PDE8A: variants seen among roughly 807,000 people sequenced by gnomAD.
PDE8A encodes the protein phosphodiesterase 8A, also known as high affinity cAMP-specific and IBMX-insensitive 3',5'-cyclic phosphodiesterase 8A.
Under a neutral mutation model 105.0 loss-of-function variants are expected in PDE8A, and 59 were observed. That is an observed-to-expected ratio of 0.56 (90% CI 0.46 to 0.70). The LOEUF (loss-of-function observed/expected upper bound fraction) is 0.70. Among genes scored for constraint, PDE8A ranks in the 30% least tolerant of loss-of-function variants. The probability of loss-of-function intolerance (pLI) is 0.00; values close to 1 mark genes in which losing one functional copy is unlikely to be tolerated. For missense variants in PDE8A, 1,014 were observed against 1,045.9 expected (o/e 0.97, Z 0.42); for synonymous variants, 355 against 371.9 (o/e 0.95, Z 0.52).
At chr15:85,053,364 A>G (rs1385880143) in intron 1 of PDE8A, among the ~76,000 whole-genome samples, 1 of 152,218 alleles carries the variant, frequency 6.6e-6, no homozygotes, top group Non-Finnish European at 1.5e-5. Context: ...GAAGAAAGTC[A>G]TTGGTAGCTT....
At chr15:85,087,820 A>T (rs148499354) in intron 6 of PDE8A, among the ~76,000 whole-genome samples, 2 of 152,216 alleles carry the variant, frequency 1.3e-5, no homozygotes, top group African/African-American at 4.8e-5. Flanking sequence ...TTGTTTTTGT[A>T]TGCATATTAC....
At chr15:85,070,881 G>A (rs2081300821) in intron 3 of PDE8A, among the ~76,000 whole-genome samples, 1 of 151,922 alleles carries the variant, frequency 6.6e-6, no homozygotes, top group African/African-American at 2.4e-5. Context: ...AGGAGATGAG[G>A]CAAATCAATC....
intron 1 of PDE8A, among the ~76,000 whole-genome samples, chr15:84,997,222 C>T (rs2079993979): frequency 6.6e-6 from 1 of 151,786 alleles, no homozygotes; most frequent in Non-Finnish European, 1.5e-5. Context: ...GAGACAGGGT[C>T]TCACTCTGTC....
Position 85,094,003 on chromosome 15 carries a change from G to A in PDE8A, c.852+2822G>A, listed in dbSNP as rs146336488. ...GCCTCCCAAGTAGCTGGGACCACAC[G>A]TGTCTACCATCACACCTGGCTAATT... On this transcript the variant is annotated intron_variant, in intron 8 of 21. Coordinates refer to ENST00000394553, the MANE Select transcript of PDE8A (RefSeq NM_002605.3). 1.8e-3 allele frequency among the ~76,000 whole-genome samples: 274 copies of A among 152,136 alleles called. 1 individual carries two copies. Among genetic ancestry groups the A allele is most frequent in the Non-Finnish European group, 3.1e-3 (208 of 67,988 alleles).
chr15:85,134,131 T>TGG (rs562377395), intron 20 of PDE8A, among the ~76,000 whole-genome samples: 5 of 152,282 alleles, frequency 3.3e-5, no homozygotes, highest in African/African-American at 1.2e-4. Context: ...CTTGTCACAT[T>TGG]GGGCCAAAGA....
intron 7 of PDE8A, 74 bp from the exon 8 acceptor site, chr15:85,090,970 G>A (rs895733018): frequency 1.5e-4 from 212 of 1,376,668 alleles, no homozygotes; most frequent in Non-Finnish European, 2.1e-4. Flanking sequence ...GGCTTAGGTC[G>A]AAGACCTTTG....
chr15:85,116,667 AG>A (rs1165191282), intron 16 of PDE8A, among the ~76,000 whole-genome samples: 2 of 152,204 alleles, frequency 1.3e-5, no homozygotes, highest in Non-Finnish European at 2.9e-5. Flanking sequence ...CACACAAGAA[AG>A]GGAGGTCCAC....
At chr15:85,084,564 A>G (rs1045524091) in intron 6 of PDE8A, among the ~76,000 whole-genome samples, 2 of 152,160 alleles carry the variant, frequency 1.3e-5, no homozygotes, top group East Asian at 1.9e-4. Flanking sequence ...GCACTCCCAC[A>G]GTGAATTAGG....
intron 8 of PDE8A, among the ~76,000 whole-genome samples, chr15:85,097,024 C>T (rs1567282522): frequency 6.6e-6 from 1 of 152,082 alleles, no homozygotes; most frequent in Non-Finnish European, 1.5e-5. Context: ...TCAGCTAAGC[C>T]AACAAGGCTG....
intron 1 of PDE8A, among the ~76,000 whole-genome samples, chr15:84,988,485 G>A (rs1408211476): frequency 1.3e-5 from 2 of 152,198 alleles, no homozygotes; most frequent in East Asian, 1.9e-4. Flanking sequence ...ATTTTGTGAC[G>A]CCCTCTGAAT....
intron 1 of PDE8A, among the ~76,000 whole-genome samples, chr15:84,984,038 G>C (rs1421505188): frequency 1.3e-5 from 2 of 152,170 alleles, no homozygotes; most frequent in Non-Finnish European, 2.9e-5. Flanking sequence ...CTAACCCAGT[G>C]GCATACACAT....
At chr15:85,078,323 A>C (rs1847617524) in intron 5 of PDE8A, among the ~76,000 whole-genome samples, 1 of 152,002 alleles carries the variant, frequency 6.6e-6, no homozygotes, top group Non-Finnish European at 1.5e-5. Context: ...CGAGGTGGGC[A>C]GATCACGAGG....
At chr15:85,086,414 T>C (rs1450839068) in intron 6 of PDE8A, among the ~76,000 whole-genome samples, 10 of 152,190 alleles carry the variant, frequency 6.6e-5, no homozygotes, top group Admixed American at 4.6e-4. Context: ...GGGAAAAATA[T>C]GTTTGTAACA....
In PDE8A at chr15:84,990,357, A is replaced by G. The variant is rs183874895; in HGVS notation, c.186+8009A>G. ...TACAGAATTACACAATATTATAATCACCCCCAAAAGTTCTATTGTGCTCCC... is the reference window on the plus strand; with the variant it reads ...TACAGAATTACACAATATTATAATCGCCCCCAAAAGTTCTATTGTGCTCCC... On this transcript the variant is annotated intron_variant, in intron 1 of 21. Transcript: ENST00000394553. Among the ~76,000 whole-genome samples, 42 of 151,998 alleles carry G rather than the reference A, an allele frequency of 2.8e-4. No homozygotes were observed. In the East Asian group the frequency reaches 7.9e-3, roughly 29 times the overall value.
chr15:85,119,017 A>G (rs891657316), intron 17 of PDE8A, among the ~76,000 whole-genome samples: 3 of 152,158 alleles, frequency 2.0e-5, no homozygotes, highest in Non-Finnish European at 4.4e-5. Context: ...TAGGGTGTCC[A>G]GAGAAGGGGA....
chr15:85,071,761 C>G (rs1412623835), intron 3 of PDE8A, among the ~76,000 whole-genome samples: 1 of 152,144 alleles, frequency 6.6e-6, no homozygotes, highest in Non-Finnish European at 1.5e-5. Context: ...AAACTCTTAG[C>G]CTGCATAGAT....
intron 8 of PDE8A, among the ~76,000 whole-genome samples, chr15:85,093,606 G>A (rs2081686733): frequency 6.6e-6 from 1 of 152,220 alleles, no homozygotes; most frequent in South Asian, 2.1e-4. Flanking sequence ...TGTTCAAGCA[G>A]GGAATATTAT....
intron 7 of PDE8A, among the ~76,000 whole-genome samples, chr15:85,090,229 C>A (rs1462546112): frequency 2.6e-5 from 4 of 152,174 alleles, no homozygotes. Flanking sequence ...GTTGTTTAAT[C>A]CAGCTGAATC....
intron 5 of PDE8A, among the ~76,000 whole-genome samples, chr15:85,081,391 T>C (rs2081464251): frequency 6.6e-6 from 1 of 152,152 alleles, no homozygotes; most frequent in African/African-American, 2.4e-5. Context: ...TGCATGCTGG[T>C]GTTTTTTCAA....
Sources: gnomAD v4.1 joint callset for allele counts (sites outside exome capture counted in the v4.1 genomes callset) on GRCh38, gnomAD v4.1.1 for gene constraint, MANE v1.5 for transcripts, NCBI Gene and HGNC (gene_info 2026-07-23, HGNC 2026-07-21) for gene names.